The following SH2D3C variants were observed in gnomAD, a reference collection of about 807,000 sequenced individuals.
SH2D3C encodes SH2 domain-containing protein 3C.
Under a neutral mutation model 75.2 loss-of-function variants are expected in SH2D3C, and 25 were observed. The ratio of observed to expected loss-of-function variants is 0.33; its 90% CI spans 0.24 to 0.46. SH2D3C has a LOEUF of 0.46. Ranked by LOEUF, SH2D3C falls within the 20% of genes least tolerant of loss-of-function variation. The pLI is 1.00. For synonymous variants in SH2D3C, 450 were observed against 473.7 expected (o/e 0.95, Z 0.65); for missense variants, 933 against 1,165.3 (o/e 0.80, Z 2.90).
At chr9:127,757,639 GATGATGATTATT>G (rs1341867707) in intron 3 of SH2D3C, among the ~76,000 whole-genome samples, 26 of 115,306 alleles carry the variant, frequency 2.3e-4, no homozygotes, top group African/African-American at 6.9e-4. Flanking sequence ...TGATGATGAT[GATGATGATTATT>G]ATTATTATTA....
rs1294418607 is a variant in SH2D3C, at chr9:127,744,899, C to T, written c.1465G>A (p.Asp489Asn). Residue 489 changes from aspartate to asparagine, a missense_variant, in exon 7 of 12, where the codon GAC becomes AAC. Physicochemically the swap from Asp to Asn is conservative, Grantham distance 23. Transcript: ENST00000314830. ...TGGCAGTAGTGGCCAGAGTCCGGGT[C>T]ACTGTAGCTGCTGAGTGATGGTGAC... The part of the protein sequence containing the change: ...SPSPSLSSYS[D>N]PDSGHYCQLQ... 1.2e-6 allele frequency: 2 copies of T among 1,611,494 alleles called. No homozygotes were observed. The highest frequency in any genetic ancestry group is 2.7e-5 in the African/African-American group (2 of 74,844).
chr9:127,738,729 G>T lies in SH2D3C; in HGVS notation c.*17C>A. 1 of 1,572,564 alleles carries T rather than the reference G, an allele frequency of 6.4e-7. No individual in the cohort carries two copies. The highest frequency in any genetic ancestry group is 1.2e-5 in the South Asian group (1 of 86,046). On this transcript the variant is annotated 3_prime_UTR_variant, in exon 12 of 12. Coordinates refer to ENST00000314830, the MANE Select transcript of SH2D3C (RefSeq NM_170600.3). The surrounding 1 kb of genome is among the most constrained non-coding windows in gnomAD (Gnocchi z 5.0). ...CCTGACGCTGTCCGCAGCTGCAGAG[G>T]GGAAATGTCCCTGGGGTCACAGCTC... is the stretch of plus-strand genomic sequence containing the variant.
At position 127,738,551 on chromosome 9, in the gene SH2D3C, A is replaced by C. The variant is rs1203503181; in HGVS notation, c.*195T>G. ...CGGCGTTCCTGTTCTTCCTCAATGGAGACCTGGTGAGCATGTAGCAGGTGG... is the reference window on the plus strand; with the variant it reads ...CGGCGTTCCTGTTCTTCCTCAATGGCGACCTGGTGAGCATGTAGCAGGTGG... On this transcript the variant is annotated 3_prime_UTR_variant, in exon 12 of 12. Transcript: ENST00000314830. This position sits in a 1 kb window ranked among gnomAD's most constrained non-coding sequence, Gnocchi z 5.0. The C allele has an allele frequency of 6.5e-6, 3 of 459,862 alleles. No homozygotes were observed. The highest frequency in any genetic ancestry group is 1.1e-5 in the Non-Finnish European group (3 of 269,180). The allele number at this position is 459,862 out of a possible 1,614,324, so 28.5% of individuals were successfully genotyped here.
Position 127,754,361 on chromosome 9 carries a change from G to A in SH2D3C, c.556-3061C>T, listed in dbSNP as rs1222333237. ...CAGGAGCGCGGAGACCCCCGGACAG[G>A]GTCTTAACCCCTTCCCGCCAGCCCG... is the stretch of plus-strand genomic sequence containing the variant. On this transcript the variant is annotated intron_variant, in intron 3 of 11. Transcript: ENST00000314830. This position sits in a 1 kb window ranked among gnomAD's most constrained non-coding sequence, Gnocchi z 4.4. Among the ~76,000 whole-genome samples the A allele has an allele frequency of 6.6e-6, 1 of 152,006 alleles. No individual in the cohort carries two copies. The highest frequency in any genetic ancestry group is 1.9e-4 in the East Asian group (1 of 5,160).
At chr9:127,756,640 CTTTTTTTTTT>C (rs573247009) in intron 3 of SH2D3C, among the ~76,000 whole-genome samples, 15 of 93,868 alleles carry the variant, frequency 1.6e-4, no homozygotes, top group Middle Eastern at 8.2e-3. Flanking sequence ...TAGGAGGGGG[CTTTTTTTTTT>C]TTTTTTTTTT....
chr9:127,741,636 G>A, intron 9 of SH2D3C, 152 bp downstream of exon 9: 1 of 916,108 alleles, frequency 1.1e-6, no homozygotes, highest in South Asian at 1.8e-5. Flanking sequence ...CTGTGGGTCG[G>A]CACTTGCAGA....
At chr9:127,768,540 G>A (rs1004484703) in intron 2 of SH2D3C, among the ~76,000 whole-genome samples, 4 of 151,992 alleles carry the variant, frequency 2.6e-5, no homozygotes, top group African/African-American at 4.8e-5. Flanking sequence ...AGCTATGATC[G>A]AGCCGCTGCA....
At chr9:127,778,457 A>T (rs1829078275) in intron 1 of SH2D3C, 134 bp downstream of exon 1, 2 of 796,888 alleles carry the variant, frequency 2.5e-6, no homozygotes, top group Non-Finnish European at 4.4e-6. Flanking sequence ...GGTGTCCAAA[A>T]GCAAAAAACA....
At chr9:127,744,216 G>T (rs760635326) in intron 7 of SH2D3C, among the ~76,000 whole-genome samples, 1 of 151,606 alleles carries the variant, frequency 6.6e-6, no homozygotes, top group East Asian at 1.9e-4. Flanking sequence ...GATTACAGGC[G>T]CCCACCACGA....
intron 8 of SH2D3C, among the ~76,000 whole-genome samples, chr9:127,742,429 G>T (rs889433182): frequency 1.3e-5 from 2 of 152,176 alleles, no homozygotes; most frequent in African/African-American, 4.8e-5. Context: ...TAAAGACGGG[G>T]TTTCGCCATG....
At chr9:127,772,188 A>C (rs1845749454) in intron 2 of SH2D3C, among the ~76,000 whole-genome samples, 1 of 150,202 alleles carries the variant, frequency 6.7e-6, no homozygotes, top group South Asian at 2.1e-4. Context: ...AAAAAACAAA[A>C]GAAAGAAAGG....
At chr9:127,771,630 A>G (rs921384124) in intron 2 of SH2D3C, among the ~76,000 whole-genome samples, 1 of 147,140 alleles carries the variant, frequency 6.8e-6, no homozygotes, top group Non-Finnish European at 1.5e-5. Flanking sequence ...GCCTCGCCCC[A>G]CCCCGCCCCG....
At chr9:127,768,368 G>A (rs1780003651) in intron 2 of SH2D3C, among the ~76,000 whole-genome samples, 1 of 151,998 alleles carries the variant, frequency 6.6e-6, no homozygotes, top group Non-Finnish European at 1.5e-5. Flanking sequence ...GGCAACACAG[G>A]GTACCCCTGG....
intron 1 of SH2D3C, among the ~76,000 whole-genome samples, chr9:127,775,259 T>G (rs1000798803): frequency 1.3e-5 from 2 of 152,208 alleles, no homozygotes; most frequent in Non-Finnish European, 2.9e-5. Flanking sequence ...TTTGGAAAGA[T>G]GAGCCAGGAG....
intron 3 of SH2D3C, among the ~76,000 whole-genome samples, chr9:127,759,759 G>A (rs960953600): frequency 3.9e-5 from 6 of 151,990 alleles, no homozygotes; most frequent in African/African-American, 9.7e-5. Context: ...CAAGGCAGGC[G>A]GATCACGAAG....
At position 127,749,456 on chromosome 9, in the gene SH2D3C, G is replaced by A. The variant is rs550235508; in HGVS notation, c.894C>T (p.Arg298=). 7 of 1,614,186 alleles carry A rather than the reference G, an allele frequency of 4.3e-6. No individual in the cohort carries two copies. The highest frequency in any genetic ancestry group is 2.2e-5 in the East Asian group (1 of 44,888). Residue 298 remains arginine, a synonymous_variant, in exon 5 of 12, where the codon CGC becomes CGT. Transcript: ENST00000314830. This position sits in a 1 kb window ranked among gnomAD's most constrained non-coding sequence, Gnocchi z 5.9. ...ESFDHVPALV[R]YHVGSRKAVS... ...CAGCCTTGCGGCTGCCCACATGATAGCGCACGAGGGCGGGCACGTGGTCAA... is the reference window on the plus strand; with the variant it reads ...CAGCCTTGCGGCTGCCCACATGATAACGCACGAGGGCGGGCACGTGGTCAA...
In SH2D3C at chr9:127,771,645, G is replaced by A. The variant is rs547844924; in HGVS notation, c.515+2345C>T. On this transcript the variant is annotated intron_variant, in intron 2 of 11. Coordinates refer to ENST00000314830, the MANE Select transcript of SH2D3C (RefSeq NM_170600.3). Reference sequence around the variant, plus strand: ...GCCTCGCCCCACCCCGCCCCGCCCCGCTCCCGCGAAACTCGGCTTCCCTGG... The same window carrying A: ...GCCTCGCCCCACCCCGCCCCGCCCCACTCCCGCGAAACTCGGCTTCCCTGG... Among the ~76,000 whole-genome samples the A allele has an allele frequency of 1.6e-3, 232 of 146,986 alleles. No individual in the cohort carries two copies. The Middle Eastern group carries it at 0.017, about 11-fold the overall frequency.
Position 127,747,763 on chromosome 9 carries a change from C to T in SH2D3C, c.1140-492G>A, listed in dbSNP as rs113748456. On this transcript the variant is annotated intron_variant, in intron 5 of 11. Coordinates refer to ENST00000314830, the MANE Select transcript of SH2D3C (RefSeq NM_170600.3). ...CCATGTTGGCCAGGCTTGTCTCAAA[C>T]TTCTGACCTCAGGTGATTCACCCAC... Among the ~76,000 whole-genome samples, 36 of 152,282 alleles carry T rather than the reference C, an allele frequency of 2.4e-4. 2 individuals carry two copies. The highest frequency in any genetic ancestry group is 8.7e-4 in the African/African-American group (36 of 41,562).
chr9:127,752,200 G>A (rs1215571589), intron 3 of SH2D3C, among the ~76,000 whole-genome samples: 1 of 152,168 alleles, frequency 6.6e-6, no homozygotes, highest in Non-Finnish European at 1.5e-5. Context: ...AATGCCAGGT[G>A]TACGCCCACC....
Sources: allele counts gnomAD v4.1 joint callset (sites outside exome capture counted in the v4.1 genomes callset), GRCh38; gene constraint gnomAD v4.1.1; non-coding constraint Gnocchi (gnomAD v3.1); transcripts MANE v1.5; gene names NCBI Gene and HGNC (gene_info 2026-07-23, HGNC 2026-07-21).